ADAM22: variants seen among roughly 807,000 people sequenced by gnomAD.
The protein encoded by ADAM22 is disintegrin and metalloproteinase domain-containing protein 22.
ADAM22 carries 65 observed loss-of-function variants against 144.6 expected under a neutral mutation model. The observed-to-expected ratio is 0.45, with a 90% CI of 0.37 to 0.55. The LOEUF is 0.55. Among genes scored for constraint, ADAM22 ranks in the 20% least tolerant of loss-of-function variants. The probability of loss-of-function intolerance (pLI) is 0.00; values close to 1 mark genes in which losing one functional copy is unlikely to be tolerated. For missense variants in ADAM22, 974 were observed against 1,184.9 expected, an observed-to-expected ratio of 0.82 and a Z score of 2.61; for synonymous variants, 391 against 412.6, an observed-to-expected ratio of 0.95 and a Z score of 0.63.
chr7:88,168,371 A>G, intron 25 of ADAM22, 144 bp downstream of exon 25: 2 of 793,714 alleles, frequency 2.5e-6, no homozygotes, highest in Non-Finnish European at 4.4e-6. Flanking sequence ...GTCAATGCTT[A>G]TTCTTGGCAT....
chr7:88,075,486 G>GAA (rs74781151), intron 3 of ADAM22, 140 bp from the exon 4 acceptor site: 6,585 of 618,714 alleles, frequency 0.011, 2 homozygotes, highest in East Asian at 0.042. Flanking sequence ...GTGAGTGTGA[G>GAA]AGAGAGAGAG....
rs951359309 is a variant in ADAM22, at chr7:88,193,531, A to G, written c.2874+292A>G. Reference sequence around the variant, plus strand: ...TAAACAAAACAGTGTATTTTGCTATATCACCTTTTACATTTTAATCACACT... The same window carrying G: ...TAAACAAAACAGTGTATTTTGCTATGTCACCTTTTACATTTTAATCACACT... On this transcript the variant is annotated intron_variant, in intron 31 of 31. Coordinates refer to ENST00000413139, the MANE Select transcript of ADAM22 (RefSeq NM_001324418.2). Among the ~76,000 whole-genome samples, 5 of 152,320 alleles carry G rather than the reference A, an allele frequency of 3.3e-5. No individual in the cohort carries two copies. The East Asian group carries it at 9.6e-4, about 29-fold the overall frequency.
At chr7:88,145,554 G>C (rs1836139943) in intron 17 of ADAM22, 47 bp downstream of exon 17, 1 of 1,437,434 alleles carries the variant, frequency 7.0e-7, no homozygotes, top group African/African-American at 1.4e-5. Flanking sequence ...GGACATACTT[G>C]ATTAAATCAT....
intron 3 of ADAM22, among the ~76,000 whole-genome samples, chr7:87,979,243 G>A (rs1852694679): frequency 6.6e-6 from 1 of 152,138 alleles, no homozygotes; most frequent in South Asian, 2.1e-4. Context: ...CTGCAATGGG[G>A]AACCAGCTAG....
At chr7:88,023,147 T>C (rs889980974) in intron 3 of ADAM22, among the ~76,000 whole-genome samples, 1 of 152,320 alleles carries the variant, frequency 6.6e-6, no homozygotes, top group East Asian at 1.9e-4. Flanking sequence ...TTCGTTTTAA[T>C]GAAAGATTGT....
intron 4 of ADAM22, among the ~76,000 whole-genome samples, chr7:88,076,344 A>G (rs904969732): frequency 6.6e-6 from 1 of 152,196 alleles, no homozygotes; most frequent in Admixed American, 6.5e-5. Context: ...GGGAAACCCC[A>G]GTGACTTTTA....
intron 21 of ADAM22, among the ~76,000 whole-genome samples, chr7:88,153,859 T>C (rs2129527124): frequency 6.6e-6 from 1 of 152,380 alleles, no homozygotes. Context: ...AGACCTATAT[T>C]AATCCTTCAA....
At chr7:88,094,073 C>T (rs950964659) in intron 4 of ADAM22, among the ~76,000 whole-genome samples, 2 of 152,118 alleles carry the variant, frequency 1.3e-5, no homozygotes, top group Non-Finnish European at 2.9e-5. Flanking sequence ...GAGTGCTTGC[C>T]AGGGGCCAGT....
intron 4 of ADAM22, among the ~76,000 whole-genome samples, chr7:88,087,094 T>G (rs1818640162): frequency 6.6e-6 from 1 of 152,182 alleles, no homozygotes; most frequent in African/African-American, 2.4e-5. Flanking sequence ...AAGCTGCAGT[T>G]TGAATCTAGA....
chr7:87,959,206 T>C (rs1185125194), intron 2 of ADAM22, among the ~76,000 whole-genome samples: 1 of 152,194 alleles, frequency 6.6e-6, no homozygotes, highest in African/African-American at 2.4e-5. Flanking sequence ...TAGCTCACTG[T>C]GTGAACTTGG....
intron 2 of ADAM22, among the ~76,000 whole-genome samples, chr7:87,961,961 C>T (rs1562863464): frequency 6.6e-6 from 1 of 152,162 alleles, no homozygotes; most frequent in Non-Finnish European, 1.5e-5. Flanking sequence ...TATAACTCAT[C>T]GAGGTTCCCT....
chr7:88,110,883 C>A (rs112619543), intron 5 of ADAM22, among the ~76,000 whole-genome samples: 96 of 44,876 alleles, frequency 2.1e-3, no homozygotes, highest in African/African-American at 8.6e-3. Flanking sequence ...GCTGGGATTA[C>A]AGGTGGCTGC....
At chr7:88,188,414 T>G (rs1275480100) in intron 30 of ADAM22, among the ~76,000 whole-genome samples, 2 of 152,186 alleles carry the variant, frequency 1.3e-5, no homozygotes, top group Admixed American at 6.5e-5. Flanking sequence ...TGATTGCACG[T>G]GCAAAACTGC....
In ADAM22 at chr7:88,193,098, A is replaced by G; in HGVS notation, c.2751-18A>G. ...TAGGCAATCACATGATACTTAATTCATGTTCTCAACATCTCAGGACTTTAT... is the reference window on the plus strand; with the variant it reads ...TAGGCAATCACATGATACTTAATTCGTGTTCTCAACATCTCAGGACTTTAT... On this transcript the variant is annotated intron_variant, in intron 30 of 31. Transcript: ENST00000413139. The G allele has an allele frequency of 6.2e-7, 1 of 1,613,756 alleles. No individual in the cohort carries two copies. The highest frequency in any genetic ancestry group is 8.5e-7 in the Non-Finnish European group (1 of 1,179,772).
At chr7:88,114,219 G>A (rs1827146456) in intron 5 of ADAM22, among the ~76,000 whole-genome samples, 1 of 152,098 alleles carries the variant, frequency 6.6e-6, no homozygotes, top group Non-Finnish European at 1.5e-5. Flanking sequence ...GCAATTTCCT[G>A]GGTTCCAGTC....
chr7:87,964,101 G>A (rs1848558928), intron 2 of ADAM22, among the ~76,000 whole-genome samples: 1 of 152,100 alleles, frequency 6.6e-6, no homozygotes, highest in Non-Finnish European at 1.5e-5. Context: ...CCCTTCAGTG[G>A]TGATCTATAT....
chr7:88,011,740 C>G (rs541490058), intron 3 of ADAM22, among the ~76,000 whole-genome samples: 6 of 151,570 alleles, frequency 4.0e-5, no homozygotes, highest in African/African-American at 1.5e-4. Context: ...CTCCGCCCCC[C>G]ACCCCCCAAC....
At chr7:88,036,714 A>C (rs991319139) in intron 3 of ADAM22, among the ~76,000 whole-genome samples, 1 of 152,054 alleles carries the variant, frequency 6.6e-6, no homozygotes, top group Non-Finnish European at 1.5e-5. Flanking sequence ...GAAAGTTGTG[A>C]ATTAGAATAA....
chr7:88,063,907 A>G (rs1563136155), intron 3 of ADAM22, among the ~76,000 whole-genome samples: 1 of 152,226 alleles, frequency 6.6e-6, no homozygotes, highest in African/African-American at 2.4e-5. Context: ...AAATAAATTA[A>G]CATCATGCAT....
Sources: gnomAD v4.1 joint callset for allele counts (sites outside exome capture counted in the v4.1 genomes callset) on GRCh38, gnomAD v4.1.1 for gene constraint, MANE v1.5 for transcripts, NCBI Gene and HGNC (gene_info 2026-07-23, HGNC 2026-07-21) for gene names.